CUL4A: variants seen among roughly 807,000 people sequenced by gnomAD.
The protein encoded by CUL4A is cullin-4A.
Under a neutral mutation model 95.5 loss-of-function variants are expected in CUL4A, and 16 were observed. The observed-to-expected ratio is 0.17, with a 90% CI of 0.11 to 0.25. The LOEUF is 0.25. CUL4A is among the 10% of genes least tolerant of loss of function. The pLI, the probability that CUL4A is intolerant of heterozygous loss-of-function variation, is 1.00. For synonymous variants in CUL4A, 380 were observed against 353.1 expected (o/e 1.08, Z -0.85); for missense variants, 610 against 937.0 (o/e 0.65, Z 4.56).
At chr13:113,258,248 C>T (rs1481501739) in intron 18 of CUL4A, among the ~76,000 whole-genome samples, 5 of 152,152 alleles carry the variant, frequency 3.3e-5, no homozygotes, top group Non-Finnish European at 2.9e-5. Flanking sequence ...ACCTTGACCC[C>T]CCAAAGTGCT....
chr13:113,210,796 A>C (rs1306296446), intron 2 of CUL4A, among the ~76,000 whole-genome samples: 1 of 83,062 alleles, frequency 1.2e-5, no homozygotes, highest in Non-Finnish European at 3.5e-5. Flanking sequence ...TGAATTAAAA[A>C]AACTTTTTTT....
intron 16 of CUL4A, among the ~76,000 whole-genome samples, chr13:113,253,759 G>A (rs949877123): frequency 3.9e-5 from 6 of 152,170 alleles, no homozygotes; most frequent in Non-Finnish European, 5.9e-5. Flanking sequence ...AGTGGTTGCA[G>A]TGCTGTTATT....
chr13:113,210,223 C>A, intron 2 of CUL4A, 135 bp downstream of exon 2: 1 of 541,866 alleles, frequency 1.8e-6, no homozygotes, highest in Non-Finnish European at 3.1e-6. Context: ...ACTGCAGGGC[C>A]GGGAGCCCCA....
chr13:113,259,779 A>G (rs1004117699), intron 18 of CUL4A, among the ~76,000 whole-genome samples: 14 of 152,208 alleles, frequency 9.2e-5, no homozygotes, highest in African/African-American at 3.4e-4. Flanking sequence ...TTATAAGGAA[A>G]ATAACTTTTA....
chr13:113,263,770 T>C lies in CUL4A; in HGVS notation c.*188T>C, dbSNP rs2042349770. 7.3e-6 allele frequency: 3 copies of C among 412,552 alleles called. No homozygotes were observed. Among genetic ancestry groups the C allele is most frequent in the Non-Finnish European group, 1.3e-5 (3 of 232,720 alleles). The allele number at this position is 412,552 out of a possible 1,614,324, so 25.6% of individuals were successfully genotyped here. A position where few individuals can be genotyped will look rare whatever the true frequency, so the allele number is the denominator to read the frequency against. On this transcript the variant is annotated 3_prime_UTR_variant, in exon 20 of 20. Transcript: ENST00000375440. ...CAACCTGCAGATGTATCTTTTTCCC[T>C]CCAGTTTTTCCTCTAGTTCTTTTAG...
At position 113,242,251 on chromosome 13, in the gene CUL4A, G is replaced by C. The variant is rs560875861; in HGVS notation, c.1036-717G>C. Reference sequence around the variant, plus strand: ...CTGCACTCCAGCCTGGTGACAAAGCGAGAGTCCATCTCAAAACAAAAAAAA... The same window carrying C: ...CTGCACTCCAGCCTGGTGACAAAGCCAGAGTCCATCTCAAAACAAAAAAAA... On this transcript the variant is annotated intron_variant, in intron 10 of 19. Coordinates refer to ENST00000375440, the MANE Select transcript of CUL4A (RefSeq NM_001008895.4). Among the ~76,000 whole-genome samples, 16 of 151,434 alleles carry C rather than the reference G, an allele frequency of 1.1e-4. No individual in the cohort carries two copies. The South Asian group carries it at 3.3e-3, about 32-fold the overall frequency.
intron 4 of CUL4A, among the ~76,000 whole-genome samples, chr13:113,228,952 C>T (rs1293965633): frequency 6.6e-6 from 1 of 150,704 alleles, no homozygotes; most frequent in Non-Finnish European, 1.5e-5. Context: ...AACCACGTCT[C>T]TACTGAAAAT....
chr13:113,237,066 AAG>A (rs569110360), intron 9 of CUL4A, among the ~76,000 whole-genome samples, 176 bp downstream of exon 9: 94 of 152,308 alleles, frequency 6.2e-4, no homozygotes, highest in African/African-American at 2.2e-3. Flanking sequence ...AAAAATCAGT[AAG>A]AGAAATAATG....
At chr13:113,244,909 C>G (rs888733228) in intron 12 of CUL4A, 40 bp from the exon 13 acceptor site, 3 of 1,257,742 alleles carry the variant, frequency 2.4e-6, no homozygotes, top group East Asian at 4.7e-5. Context: ...TGCTTATCAA[C>G]TCTCTGATGT....
At chr13:113,236,133 G>A (rs752741985) in intron 8 of CUL4A, among the ~76,000 whole-genome samples, 93 of 152,258 alleles carry the variant, frequency 6.1e-4, no homozygotes, top group African/African-American at 1.9e-3. Context: ...AGTAAGGTGC[G>A]GAAAGGGGAA....
intron 3 of CUL4A, 114 bp from the exon 4 acceptor site, chr13:113,227,862 C>T (rs571739190): frequency 1.2e-5 from 7 of 579,290 alleles, no homozygotes; most frequent in East Asian, 6.5e-5. Context: ...GAGCTAAGAT[C>T]GTGCCACTGC....
chr13:113,252,659 T>C (rs967614604), intron 15 of CUL4A, among the ~76,000 whole-genome samples: 2 of 152,208 alleles, frequency 1.3e-5, no homozygotes, highest in Admixed American at 6.5e-5. Context: ...GGGGTTGTGG[T>C]GTCACCCTTC....
At chr13:113,248,359 T>C (rs903027639) in intron 15 of CUL4A, among the ~76,000 whole-genome samples, 2 of 152,248 alleles carry the variant, frequency 1.3e-5, no homozygotes, top group African/African-American at 4.8e-5. Flanking sequence ...TATATCATTA[T>C]GAACTCAGGG....
chr13:113,210,938 G>A (rs1385100211), intron 2 of CUL4A, among the ~76,000 whole-genome samples: 1 of 152,212 alleles, frequency 6.6e-6, no homozygotes, highest in Non-Finnish European at 1.5e-5. Context: ...TTCTTTGTCT[G>A]AAGTGTAAGT....
chr13:113,222,391 T>C lies in CUL4A; in HGVS notation c.368+3343T>C, dbSNP rs566487964. On this transcript the variant is annotated intron_variant, in intron 3 of 19. Coordinates refer to ENST00000375440, the MANE Select transcript of CUL4A (RefSeq NM_001008895.4). Reference sequence around the variant, plus strand: ...CAGCATCCTGCCAGCAAACCTCTTATGGTTAGAGGGAAAGGATCTGACTGC... The same window carrying C: ...CAGCATCCTGCCAGCAAACCTCTTACGGTTAGAGGGAAAGGATCTGACTGC... Among the ~76,000 whole-genome samples the C allele has an allele frequency of 1.8e-4, 25 of 140,132 alleles. No homozygotes were observed. The East Asian group carries it at 5.2e-3, about 29-fold the overall frequency. The allele number at this position is 140,132 out of a possible 152,430, so 91.9% of individuals were successfully genotyped here.
At chr13:113,232,543 G>A (rs1052050242) in intron 5 of CUL4A, among the ~76,000 whole-genome samples, 1 of 152,248 alleles carries the variant, frequency 6.6e-6, no homozygotes, top group African/African-American at 2.4e-5. Context: ...GACAGTAGGA[G>A]TGTTGAAGCA....
intron 18 of CUL4A, among the ~76,000 whole-genome samples, chr13:113,255,695 T>G (rs1224673191): frequency 1.3e-5 from 2 of 152,198 alleles, no homozygotes; most frequent in Non-Finnish European, 2.9e-5. Flanking sequence ...CTTTATTTAT[T>G]AGAACGTATT....
At chr13:113,212,828 A>G (rs1340463418) in intron 2 of CUL4A, among the ~76,000 whole-genome samples, 4 of 152,116 alleles carry the variant, frequency 2.6e-5, no homozygotes, top group Admixed American at 6.5e-5. Flanking sequence ...TTTCCCTGCA[A>G]ATGTCCAGTT....
At chr13:113,258,493 C>CT (rs1247211280) in intron 18 of CUL4A, among the ~76,000 whole-genome samples, 4 of 152,134 alleles carry the variant, frequency 2.6e-5, no homozygotes, top group Non-Finnish European at 5.9e-5. Context: ...ACATACAAAT[C>CT]TTTTTCTCAG....
Sources: gnomAD v4.1 joint callset for allele counts (sites outside exome capture counted in the v4.1 genomes callset) on GRCh38, gnomAD v4.1.1 for gene constraint, MANE v1.5 for transcripts, NCBI Gene and HGNC (gene_info 2026-07-23, HGNC 2026-07-21) for gene names.